Variants in WWOX observed in about 807,000 individuals in gnomAD.
WWOX encodes the protein WW domain-containing oxidoreductase.
In WWOX, 69 loss-of-function variants were observed where a neutral mutation model predicts 46.2. The ratio of observed to expected loss-of-function variants is 1.49; its 90% CI spans 1.23 to 1.82. The LOEUF is 1.82. Among genes scored for constraint, WWOX ranks in the 40% most tolerant of loss-of-function variants. The probability of loss-of-function intolerance (pLI) is 0.00; values close to 1 mark genes in which losing one functional copy is unlikely to be tolerated. For missense variants in WWOX, 919 were observed against 542.6 expected, an observed-to-expected ratio of 1.69 and a Z score of -6.89; for synonymous variants, 359 against 202.6, an observed-to-expected ratio of 1.77 and a Z score of -6.56.
chr16:78,926,823 G>A (rs2045509382), intron 8 of WWOX, among the ~76,000 whole-genome samples: 1 of 152,076 alleles, frequency 6.6e-6, no homozygotes, highest in South Asian at 2.1e-4. Flanking sequence ...TTGAGAAGGG[G>A]TCTCACTCTG....
At chr16:78,370,331 A>G (rs185258358) in intron 5 of WWOX, among the ~76,000 whole-genome samples, 1 of 152,220 alleles carries the variant, frequency 6.6e-6, no homozygotes, top group East Asian at 1.9e-4. Context: ...ATTCATATGT[A>G]AGTGTTCTTA....
chr16:79,067,750 G>A (rs1597343278), intron 8 of WWOX, among the ~76,000 whole-genome samples: 2 of 152,138 alleles, frequency 1.3e-5, no homozygotes, highest in Admixed American at 6.5e-5. Context: ...CTATGGTAGT[G>A]CCTGGCAAAT....
At chr16:78,376,944 T>C (rs901300037) in intron 5 of WWOX, among the ~76,000 whole-genome samples, 1 of 152,228 alleles carries the variant, frequency 6.6e-6, no homozygotes, top group East Asian at 1.9e-4. Context: ...AATCTTGTTT[T>C]TGTCTTTTTA....
chr16:78,360,147 C>A lies in WWOX; in HGVS notation c.517-26713C>A, dbSNP rs191512426. Among the ~76,000 whole-genome samples the A allele has an allele frequency of 1.1e-3, 164 of 152,250 alleles. 2 individuals carry two copies. Among genetic ancestry groups the A allele is most frequent in the African/African-American group, 3.5e-3 (147 of 41,544 alleles). ...AAATCAACAAAAACTAACACTATTC[C>A]CCCATCAACAATCAATATTACTTTC... is the stretch of plus-strand genomic sequence containing the variant. On this transcript the variant is annotated intron_variant, in intron 5 of 8. Coordinates refer to ENST00000566780, the MANE Select transcript of WWOX (RefSeq NM_016373.4).
chr16:78,837,925 C>A (rs2052033796), intron 8 of WWOX, among the ~76,000 whole-genome samples: 1 of 152,126 alleles, frequency 6.6e-6, no homozygotes, highest in Non-Finnish European at 1.5e-5. Flanking sequence ...CAGGGACCTA[C>A]CTGCTCAAGG....
At chr16:79,032,375 A>G (rs2047780774) in intron 8 of WWOX, among the ~76,000 whole-genome samples, 1 of 145,790 alleles carries the variant, frequency 6.9e-6, no homozygotes, top group Admixed American at 7.0e-5. Context: ...AATATATAAT[A>G]TATTCTATGT....
Position 78,662,185 on chromosome 16 carries a change from A to G in WWOX, c.1056+229433A>G, listed in dbSNP as rs1021608189. Reference sequence around the variant, plus strand: ...GGCACAGTGGGGAGCTACTCTGAGGATGAATTGCCTAGTAAATAAGTGAGG... The same window carrying G: ...GGCACAGTGGGGAGCTACTCTGAGGGTGAATTGCCTAGTAAATAAGTGAGG... On this transcript the variant is annotated intron_variant, in intron 8 of 8. Coordinates refer to ENST00000566780, the MANE Select transcript of WWOX (RefSeq NM_016373.4). 9.9e-5 allele frequency among the ~76,000 whole-genome samples: 15 copies of G among 152,258 alleles called. No homozygotes were observed. In the East Asian group the frequency reaches 2.7e-3, roughly 27 times the overall value.
rs559634970 is a variant in WWOX, at chr16:78,772,211, A to G, written c.1056+339459A>G. Among the ~76,000 whole-genome samples the G allele has an allele frequency of 1.2e-4, 18 of 152,298 alleles. No homozygotes were observed. The South Asian group carries it at 2.1e-3, about 18-fold the overall frequency. ...TTCCTCTCTCCCTCTACCCTCAGGC[A>G]GGCCCCAGTGTCTGTTGTTCTTTCT... On this transcript the variant is annotated intron_variant, in intron 8 of 8. Coordinates refer to ENST00000566780, the MANE Select transcript of WWOX (RefSeq NM_016373.4).
At chr16:78,266,814 C>CTCTCTCTCTCTCTCTCTG (rs2079373823) in intron 5 of WWOX, among the ~76,000 whole-genome samples, 1 of 150,572 alleles carries the variant, frequency 6.6e-6, no homozygotes, top group Non-Finnish European at 1.5e-5. Flanking sequence ...CTCTCTCTCT[C>CTCTCTCTCTCTCTCTCTG]TCTCTCTCTC....
intron 8 of WWOX, among the ~76,000 whole-genome samples, chr16:78,604,587 G>C (rs1388137296): frequency 6.6e-6 from 1 of 151,610 alleles, no homozygotes; most frequent in Admixed American, 6.6e-5. Context: ...ATTTCTTTTA[G>C]GATTCTATTA....
intron 8 of WWOX, among the ~76,000 whole-genome samples, chr16:78,471,271 A>G (rs1162846818): frequency 1.3e-5 from 2 of 152,216 alleles, no homozygotes; most frequent in Non-Finnish European, 2.9e-5. Flanking sequence ...GCTAATAAAC[A>G]TTCTGATGCA....
At chr16:78,735,515 T>C (rs983940222) in intron 8 of WWOX, among the ~76,000 whole-genome samples, 5 of 152,184 alleles carry the variant, frequency 3.3e-5, no homozygotes, top group Non-Finnish European at 5.9e-5. Context: ...CTTATGCCGA[T>C]GTTAACTCTG....
At chr16:78,118,117 G>A (rs2032901365) in intron 4 of WWOX, among the ~76,000 whole-genome samples, 1 of 151,374 alleles carries the variant, frequency 6.6e-6, no homozygotes, top group Admixed American at 6.6e-5. Context: ...CACTGATAAA[G>A]AAGGGGACAT....
intron 8 of WWOX, among the ~76,000 whole-genome samples, chr16:78,795,469 C>G (rs534046196): frequency 5.3e-5 from 8 of 151,034 alleles, no homozygotes; most frequent in Middle Eastern, 3.4e-3. Flanking sequence ...CAACCTCCAT[C>G]TAGATGGAGT....
chr16:78,876,322 C>T (rs929081045), intron 8 of WWOX, among the ~76,000 whole-genome samples: 1 of 151,834 alleles, frequency 6.6e-6, no homozygotes, highest in Admixed American at 6.6e-5. Flanking sequence ...ATGGCCATGC[C>T]CTTTCTTCTG....
chr16:78,659,174 C>T (rs1005150028), intron 8 of WWOX, among the ~76,000 whole-genome samples: 13 of 151,878 alleles, frequency 8.6e-5, no homozygotes, highest in African/African-American at 2.4e-4. Context: ...CTCTTTAACC[C>T]AGTATGAGCA....
At chr16:78,865,087 G>A (rs7342716) in intron 8 of WWOX, among the ~76,000 whole-genome samples, 152,208 of 152,208 alleles carry the variant, frequency 1, 76,104 homozygotes, top group Non-Finnish European at 1. Flanking sequence ...TTTAAAGTTA[G>A]TGCTTTAATA....
At chr16:78,468,513 A>G (rs939080138) in intron 8 of WWOX, among the ~76,000 whole-genome samples, 1 of 152,110 alleles carries the variant, frequency 6.6e-6, no homozygotes, top group Non-Finnish European at 1.5e-5. Flanking sequence ...GGGTCATCTC[A>G]TGGTCCATTG....
At chr16:79,110,489 C>G (rs189202443) in intron 8 of WWOX, among the ~76,000 whole-genome samples, 256 of 152,234 alleles carry the variant, frequency 1.7e-3, no homozygotes, top group Non-Finnish European at 2.6e-3. Flanking sequence ...GCTGTTCTCT[C>G]TGCTAGAATA....
Sources: allele counts gnomAD v4.1 joint callset (sites outside exome capture counted in the v4.1 genomes callset), GRCh38; gene constraint gnomAD v4.1.1; transcripts MANE v1.5; gene names NCBI Gene and HGNC (gene_info 2026-07-23, HGNC 2026-07-21).